Variants in RNGTT observed in about 807,000 individuals in gnomAD.
RNGTT encodes the protein mRNA-capping enzyme.
In RNGTT, 33 loss-of-function variants were observed where a neutral mutation model predicts 79.3. The ratio of observed to expected loss-of-function variants is 0.42; its 90% CI spans 0.32 to 0.56. The LOEUF (loss-of-function observed/expected upper bound fraction) is 0.56. RNGTT is among the 20% of genes least tolerant of loss of function. The pLI is 0.17. For missense variants in RNGTT, 497 were observed against 739.1 expected, an observed-to-expected ratio of 0.67 and a Z score of 3.80; for synonymous variants, 222 against 235.9, an observed-to-expected ratio of 0.94 and a Z score of 0.54.
At chr6:88,731,108 C>T (rs1236416819) in intron 13 of RNGTT, among the ~76,000 whole-genome samples, 1 of 152,004 alleles carries the variant, frequency 6.6e-6, no homozygotes, top group Non-Finnish European at 1.5e-5. Flanking sequence ...AGCTACAACA[C>T]AGAGACTCTA....
intron 1 of RNGTT, among the ~76,000 whole-genome samples, chr6:88,947,202 C>T (rs1192687015): frequency 0.011 from 435 of 39,020 alleles, no homozygotes; most frequent in East Asian, 0.032. Context: ...AAGTGAGGAG[C>T]GCCTCTTCCC....
chr6:88,667,111 T>A (rs1562181772), intron 14 of RNGTT, among the ~76,000 whole-genome samples: 1 of 152,166 alleles, frequency 6.6e-6, no homozygotes, highest in Non-Finnish European at 1.5e-5. Context: ...ACTCCTAAGC[T>A]CGCAGAGCAG....
At chr6:88,903,856 C>A (rs890908121) in intron 6 of RNGTT, among the ~76,000 whole-genome samples, 1 of 152,138 alleles carries the variant, frequency 6.6e-6, no homozygotes, top group African/African-American at 2.4e-5. Context: ...TGTGTGTGTA[C>A]AAGTACAACC....
intron 13 of RNGTT, among the ~76,000 whole-genome samples, chr6:88,693,568 C>CA (rs1775556301): frequency 6.6e-6 from 1 of 151,990 alleles, no homozygotes; most frequent in African/African-American, 2.4e-5. Flanking sequence ...AAACTCTTCC[C>CA]AAAAATCCAA....
At chr6:88,720,384 A>G (rs1582379698) in intron 13 of RNGTT, among the ~76,000 whole-genome samples, 1 of 152,154 alleles carries the variant, frequency 6.6e-6, no homozygotes, top group South Asian at 2.1e-4. Context: ...TCTAGCCACA[A>G]TCCCTTTACC....
intron 14 of RNGTT, among the ~76,000 whole-genome samples, chr6:88,634,130 A>G (rs1773009257): frequency 6.6e-6 from 1 of 152,146 alleles, no homozygotes; most frequent in East Asian, 1.9e-4. Flanking sequence ...TATACTTTAA[A>G]CATGCAAATT....
At chr6:88,742,197 T>G (rs760992885) in intron 13 of RNGTT, among the ~76,000 whole-genome samples, 15 of 152,072 alleles carry the variant, frequency 9.9e-5, no homozygotes, top group Non-Finnish European at 2.2e-4. Context: ...CTTTAACATG[T>G]ATCGGATAAA....
intron 15 of RNGTT, 98 bp from the exon 16 acceptor site, chr6:88,612,980 A>G: frequency 9.0e-7 from 1 of 1,110,062 alleles, no homozygotes; most frequent in Non-Finnish European, 1.3e-6. Flanking sequence ...TATACTAAAT[A>G]CTTTCCATTT....
At chr6:88,841,090 C>A (rs75823226) in intron 11 of RNGTT, among the ~76,000 whole-genome samples, 2 of 152,030 alleles carry the variant, frequency 1.3e-5, no homozygotes, top group African/African-American at 4.8e-5. Flanking sequence ...AGACTTCCAC[C>A]GTGGACAGAG....
At chr6:88,684,868 ATG>A (rs1335865548) in intron 13 of RNGTT, among the ~76,000 whole-genome samples, 1 of 152,124 alleles carries the variant, frequency 6.6e-6, no homozygotes, top group African/African-American at 2.4e-5. Flanking sequence ...AGGGCCATGC[ATG>A]TGTGGGGCAG....
At chr6:88,924,343 G>A (rs1429684965) in intron 4 of RNGTT, among the ~76,000 whole-genome samples, 1 of 152,074 alleles carries the variant, frequency 6.6e-6, no homozygotes, top group Admixed American at 6.5e-5. Flanking sequence ...TTGGCTTCTT[G>A]TATTTCATAT....
chr6:88,657,830 G>C (rs1774036363), intron 14 of RNGTT, among the ~76,000 whole-genome samples: 1 of 152,202 alleles, frequency 6.6e-6, no homozygotes, highest in Non-Finnish European at 1.5e-5. Context: ...AGCAGAGGCA[G>C]CCATAATTCC....
At chr6:88,711,263 A>T (rs1164860353) in intron 13 of RNGTT, among the ~76,000 whole-genome samples, 1 of 152,154 alleles carries the variant, frequency 6.6e-6, no homozygotes, top group East Asian at 1.9e-4. Flanking sequence ...ACATCTTCCA[A>T]TTATTTAGGA....
chr6:88,952,479 G>C (rs1785283739), intron 1 of RNGTT, among the ~76,000 whole-genome samples: 1 of 152,208 alleles, frequency 6.6e-6, no homozygotes, highest in Non-Finnish European at 1.5e-5. Flanking sequence ...TCTCTTGAAA[G>C]CACCACCTCC....
intron 14 of RNGTT, among the ~76,000 whole-genome samples, chr6:88,658,988 A>G (rs989160884): frequency 1.3e-5 from 2 of 152,186 alleles, no homozygotes; most frequent in African/African-American, 4.8e-5. Flanking sequence ...CAGACGGCCT[A>G]TTGTGGGACT....
intron 6 of RNGTT, among the ~76,000 whole-genome samples, chr6:88,894,761 GA>G (rs1327808664): frequency 6.6e-6 from 1 of 152,078 alleles, no homozygotes; most frequent in African/African-American, 2.4e-5. Flanking sequence ...CTTTATAATG[GA>G]AAGATCACTA....
chr6:88,651,920 GATTA>G (rs1044249517), intron 14 of RNGTT, among the ~76,000 whole-genome samples: 5 of 152,050 alleles, frequency 3.3e-5, no homozygotes, highest in African/African-American at 9.7e-5. Context: ...GCGGTGGATA[GATTA>G]ATTTTTAAAA....
chr6:88,783,216 C>T (rs1006861180), intron 12 of RNGTT, among the ~76,000 whole-genome samples: 4 of 152,076 alleles, frequency 2.6e-5, no homozygotes, highest in Non-Finnish European at 5.9e-5. Context: ...CAGCCTTACC[C>T]CCAGAAAAGT....
At chr6:88,940,133 T>C (rs766481810) in intron 2 of RNGTT, among the ~76,000 whole-genome samples, 2 of 150,924 alleles carry the variant, frequency 1.3e-5, no homozygotes, top group Non-Finnish European at 3.0e-5. Flanking sequence ...TGGAGTGCAC[T>C]GGTATGTGAT....
Sources: gnomAD v4.1 joint callset for allele counts (sites outside exome capture counted in the v4.1 genomes callset) on GRCh38, gnomAD v4.1.1 for gene constraint, MANE v1.5 for transcripts, NCBI Gene and HGNC (gene_info 2026-07-23, HGNC 2026-07-21) for gene names.